The following ANKRD26 variants were observed in gnomAD, a reference collection of about 807,000 sequenced individuals.
The protein encoded by ANKRD26 is ankyrin repeat domain-containing protein 26.
A neutral mutation model predicts 208.7 loss-of-function variants in ANKRD26; 141 were observed. That is an observed-to-expected ratio of 0.68 (90% CI 0.59 to 0.78). The LOEUF (loss-of-function observed/expected upper bound fraction) is 0.78. Among genes scored for constraint, ANKRD26 ranks in the 30% least tolerant of loss-of-function variants. ANKRD26 has a pLI of 0.00. For missense variants in ANKRD26, 1,889 were observed against 1,938.7 expected (o/e 0.97, Z 0.48); for synonymous variants, 636 against 660.4 (o/e 0.96, Z 0.57).
chr10:27,024,937 T>C (rs185645076), intron 27 of ANKRD26, among the ~76,000 whole-genome samples: 1 of 152,326 alleles, frequency 6.6e-6, no homozygotes, highest in Admixed American at 6.5e-5. Context: ...TAAGACAATT[T>C]TTAGAAAACT....
chr10:27,077,766 T>C (rs555822779), intron 7 of ANKRD26, 73 bp from the exon 8 acceptor site: 13 of 1,268,430 alleles, frequency 1.0e-5, no homozygotes, highest in South Asian at 3.8e-5. Context: ...TCGTAATAGA[T>C]AGTCACCATT....
At chr10:26,990,347 C>G (rs1008701372), downstream of ANKRD26, among the ~76,000 whole-genome samples, 11 of 152,118 alleles carry the variant, frequency 7.2e-5, no homozygotes, top group Non-Finnish European at 1.3e-4. Flanking sequence ...ACTTAGAGTT[C>G]TCTTTAAGAT....
chr10:26,951,013 C>CTTTTCTTTTTTTTTTTTTTTTTTTT, the ANKRD26 span, among the ~76,000 whole-genome samples: 101 of 100,882 alleles, frequency 1.0e-3, 10 homozygotes, highest in East Asian at 0.01. Context: ...CTTTTCTTTT[C>CTTTTCTTTTTTTTTTTTTTTTTTTT]TTTTTCTTTT....
chr10:26,954,338 T>C, the ANKRD26 span, among the ~76,000 whole-genome samples: 7 of 152,344 alleles, frequency 4.6e-5, no homozygotes, highest in East Asian at 9.6e-4. Flanking sequence ...TGAAATGTCA[T>C]TTTCACTATA....
At chr10:27,084,083 C>T (rs796469172) in intron 5 of ANKRD26, among the ~76,000 whole-genome samples, 3 of 151,862 alleles carry the variant, frequency 2.0e-5, no homozygotes, top group Non-Finnish European at 4.4e-5. Context: ...CATGGTAGCA[C>T]GCACCTGTGA....
intron 1 of ANKRD26, among the ~76,000 whole-genome samples, chr10:27,096,618 T>A (rs1038862610): frequency 2.0e-5 from 3 of 150,830 alleles, no homozygotes; most frequent in African/African-American, 7.3e-5. Flanking sequence ...ACAAAAAAAA[T>A]AGCCAGGCAT....
chr10:27,071,380 T>C (rs2055489684), intron 9 of ANKRD26, among the ~76,000 whole-genome samples: 1 of 151,480 alleles, frequency 6.6e-6, no homozygotes, highest in South Asian at 2.1e-4. Flanking sequence ...TTCACCGTGT[T>C]GGCCAGGATG....
In ANKRD26 at chr10:27,050,576, C is replaced by T. The variant is rs116465870; in HGVS notation, c.1636-1597G>A. 4.6e-3 allele frequency among the ~76,000 whole-genome samples: 706 copies of T among 152,226 alleles called. 4 individuals are homozygous for T. Among genetic ancestry groups the T allele is most frequent in the African/African-American group, 0.016 (661 of 41,544 alleles). On this transcript the variant is annotated intron_variant, in intron 16 of 33. Transcript: ENST00000376087. ...GATAAGCTTTACACACACGAAAGCA[C>T]ATTAAAAAGATCCCTTTGGCTGGGA...
chr10:27,072,014 T>C (rs1326719538), intron 9 of ANKRD26, among the ~76,000 whole-genome samples: 2 of 152,132 alleles, frequency 1.3e-5, no homozygotes, highest in Admixed American at 6.5e-5. Context: ...AGCTCCCAAA[T>C]GAGAGCTGCC....
In ANKRD26 at chr10:27,006,932, T is replaced by C. The variant is rs2052906809; in HGVS notation, c.4984A>G (p.Arg1662Gly). 6.2e-7 allele frequency: 1 copy of C among 1,609,744 alleles called. No homozygotes were observed. Among genetic ancestry groups the C allele is most frequent in the South Asian group, 1.1e-5 (1 of 90,906 alleles). The change falls in exon 33 of 34, where the codon AGA (arginine) becomes GGA (glycine). Residue 1662 changes from arginine (R) to glycine (G), a missense_variant. This residue lies in a region of ANKRD26 where 613 missense variants were observed against 648.2 expected (regional missense o/e 0.95). Coordinates refer to ENST00000376087, the MANE Select transcript of ANKRD26 (RefSeq NM_014915.3). ...GGCAACATACCTTCTTTGAGTTCTC[T>C]AGTTATATTTTTTTCCAACTCCTGC... ...MQQELEKNIT[R>G]ELKEAAAELE...
Position 27,039,996 on chromosome 10 carries a change from C to T in ANKRD26, c.2344G>A (p.Val782Ile). ...GAGCACAGTTCTCGTTCCCATTCAA[C>T]TTTTTGATGCTCTAACTGTGATTTT... ...EIKSQLEHQKVEWERELCSLR... is the reference protein window; with the variant it reads ...EIKSQLEHQKIEWERELCSLR... The change falls in exon 21 of 34, where the codon GTT becomes ATT. Residue 782 changes from valine to isoleucine, a missense_variant. Val to Ile is a conservative substitution (Grantham distance 29). Around this residue, in one of 3 missense-constraint regions of ANKRD26, gnomAD observed 1,272 missense variants for 1,273.8 expected, o/e 1.00. Transcript: ENST00000376087. 1 of 1,613,736 alleles carries T rather than the reference C, an allele frequency of 6.2e-7. No homozygotes were observed. Among genetic ancestry groups the T allele is most frequent in the Non-Finnish European group, 8.5e-7 (1 of 1,179,868 alleles).
In ANKRD26 at chr10:27,013,064, T is replaced by G. The variant is rs1236531019; in HGVS notation, c.4771A>C (p.Lys1591Gln). 4 of 1,613,924 alleles carry G rather than the reference T, an allele frequency of 2.5e-6. No homozygotes were observed. Among genetic ancestry groups the G allele is most frequent in the Non-Finnish European group, 3.4e-6 (4 of 1,179,950 alleles). ...AEVNTKLLVEKQQSRSLFTTL... is the reference protein window; with the variant it reads ...AEVNTKLLVEQQQSRSLFTTL... ...GTGAACAAAGATCTGCTCTGCTGTT[T>G]TTCCACAAGAAGTTTGGTGTTGACC... The change falls in exon 32 of 34, where the codon AAA (lysine) becomes CAA (glutamine). Residue 1591 changes from lysine to glutamine, a missense_variant. This residue lies in a region of ANKRD26 where 613 missense variants were observed against 648.2 expected (regional missense o/e 0.95). Transcript: ENST00000376087.
intron 27 of ANKRD26, 105 bp from the exon 28 acceptor site, chr10:27,024,664 TA>T: frequency 1.6e-6 from 1 of 632,654 alleles, no homozygotes; most frequent in South Asian, 2.0e-5. Context: ...TTTAGGCATA[TA>T]AAATGCAGTT....
rs2054336706 is a variant in ANKRD26, at chr10:27,043,563, T to C, written c.2024A>G (p.Lys675Arg). The stretch of plus-strand genomic sequence containing the variant: ...ATCATCCATAGACTGTATTTGGTTT[T>C]TGACCTATGAAATAAATAACACTGT... ...KKTSNEKNKV[K>R]NQIQSMDDVD... The change falls in exon 20 of 34, where the codon AAA becomes AGA. Residue 675 changes from lysine to arginine, a missense_variant. Around this residue, in one of 3 missense-constraint regions of ANKRD26, gnomAD observed 1,272 missense variants for 1,273.8 expected, o/e 1.00. Transcript: ENST00000376087. 6 of 1,613,084 alleles carry C rather than the reference T, an allele frequency of 3.7e-6. No homozygotes were observed. The highest frequency in any genetic ancestry group is 5.1e-6 in the Non-Finnish European group (6 of 1,179,280).
intron 29 of ANKRD26, among the ~76,000 whole-genome samples, chr10:27,018,207 T>C (rs554869192): frequency 6.7e-6 from 1 of 149,156 alleles, no homozygotes; most frequent in Non-Finnish European, 1.5e-5. Flanking sequence ...TGATCTCCAC[T>C]CACTGCAAGC....
chr10:27,063,852 T>A (rs971592845), intron 12 of ANKRD26, 136 bp downstream of exon 12: 1 of 748,566 alleles, frequency 1.3e-6, no homozygotes, highest in African/African-American at 1.8e-5. Flanking sequence ...ATACAACTTA[T>A]CACAATTTTA....
rs1345723762 is a variant in ANKRD26, at chr10:27,033,328, TG to T, written c.3703del (p.Gln1235AsnfsTer18). On this transcript the variant is annotated frameshift_variant, in exon 25 of 34. Transcript: ENST00000376087. LOFTEE classifies it high-confidence loss of function. ...QQELADTLKK[Q>X]SMSEASLEVT... The stretch of plus-strand genomic sequence containing the variant: ...CTCCAGTGAAGCCTCTGACATAGAT[TG>T]TTTTTTTAGGGTATCAGCTAGTTCT... The T allele has an allele frequency of 1.2e-6, 2 of 1,612,236 alleles. No individual in the cohort carries two copies. The highest frequency in any genetic ancestry group is 1.7e-6 in the Non-Finnish European group (2 of 1,178,736).
intron 32 of ANKRD26, among the ~76,000 whole-genome samples, chr10:27,007,580 C>A (rs2134819779): frequency 6.6e-6 from 1 of 152,284 alleles, no homozygotes; most frequent in Admixed American, 6.5e-5. Flanking sequence ...TGCTTGAACA[C>A]AGGAGGTGGA....
downstream of ANKRD26, among the ~76,000 whole-genome samples, chr10:27,000,626 G>C (rs1305779688): frequency 3.9e-5 from 6 of 152,142 alleles, no homozygotes; most frequent in African/African-American, 1.4e-4. Flanking sequence ...TAAAATGTAA[G>C]GAAGGTAACA....
Sources: gnomAD v4.1 joint callset for allele counts (sites outside exome capture counted in the v4.1 genomes callset) on GRCh38, gnomAD v4.1.1 for gene constraint, gnomAD v4.1.1 regional missense constraint, MANE v1.5 for transcripts, NCBI Gene and HGNC (gene_info 2026-07-23, HGNC 2026-07-21) for gene names.